The following MBOAT1 variants were observed in gnomAD, a reference collection of about 807,000 sequenced individuals.
MBOAT1 encodes membrane-bound glycerophospholipid O-acyltransferase 1.
MBOAT1 carries 67 observed loss-of-function variants against 64.4 expected under a neutral mutation model. That is an observed-to-expected ratio of 1.04 (90% CI 0.85 to 1.27). MBOAT1 has a LOEUF of 1.27. Among genes scored for constraint, MBOAT1 ranks in the 50% most tolerant of loss-of-function variants. The probability of loss-of-function intolerance (pLI) is 0.00; values close to 1 mark genes in which losing one functional copy is unlikely to be tolerated. For missense variants in MBOAT1, 563 were observed against 604.6 expected, an observed-to-expected ratio of 0.93 and a Z score of 0.72; for synonymous variants, 229 against 218.9, an observed-to-expected ratio of 1.05 and a Z score of -0.41.
chr6:20,154,102 G>A (rs1554119093), intron 1 of MBOAT1, among the ~76,000 whole-genome samples: 1 of 152,198 alleles, frequency 6.6e-6, no homozygotes, highest in Non-Finnish European at 1.5e-5. Context: ...ACTCATTACG[G>A]CTGAGCTGGG....
Position 20,202,383 on chromosome 6 carries a change from A to G in MBOAT1, c.99+9753T>C, listed in dbSNP as rs554414654. On this transcript the variant is annotated intron_variant, in intron 1 of 12. Transcript: ENST00000324607. ...TTTTGTAAATAAACCTGAGAATGGA[A>G]TATTTATAATAAAATGATAGTTTGC... Among the ~76,000 whole-genome samples, 33 of 149,516 alleles carry G rather than the reference A, an allele frequency of 2.2e-4. No homozygotes were observed. In the South Asian group the frequency reaches 6.1e-3, roughly 28 times the overall value.
At chr6:20,206,581 G>A (rs1763272864) in intron 1 of MBOAT1, among the ~76,000 whole-genome samples, 1 of 152,176 alleles carries the variant, frequency 6.6e-6, no homozygotes, top group South Asian at 2.1e-4. Context: ...GGCATGGGCT[G>A]AGTGCATGAC....
intron 4 of MBOAT1, among the ~76,000 whole-genome samples, chr6:20,140,704 C>G (rs1323699889): frequency 6.6e-6 from 1 of 152,190 alleles, no homozygotes; most frequent in Non-Finnish European, 1.5e-5. Context: ...TTCTGGATCT[C>G]TAGCTCACAG....
intron 1 of MBOAT1, among the ~76,000 whole-genome samples, chr6:20,155,139 C>T (rs972759029): frequency 6.6e-6 from 1 of 152,194 alleles, no homozygotes; most frequent in African/African-American, 2.4e-5. Context: ...GAGGATGGAT[C>T]GTGGTTCTCA....
chr6:20,152,926 A>G (rs902840524), intron 1 of MBOAT1, among the ~76,000 whole-genome samples, 157 bp from the exon 2 acceptor site: 11 of 152,126 alleles, frequency 7.2e-5, no homozygotes, highest in East Asian at 1.9e-4. Context: ...TCCGCCTCCC[A>G]GGTTCACGTC....
chr6:20,197,120 A>T (rs918731678), intron 1 of MBOAT1, among the ~76,000 whole-genome samples: 2 of 151,086 alleles, frequency 1.3e-5, no homozygotes, highest in South Asian at 2.1e-4. Flanking sequence ...ATCTTTACAA[A>T]TTTTTTTTTT....
At chr6:20,142,580 G>T (rs1761208838) in intron 4 of MBOAT1, among the ~76,000 whole-genome samples, 1 of 152,112 alleles carries the variant, frequency 6.6e-6, no homozygotes, top group Non-Finnish European at 1.5e-5. Context: ...CTCCTGAGCA[G>T]CTGAGATTAC....
intron 12 of MBOAT1, among the ~76,000 whole-genome samples, chr6:20,103,253 T>C (rs574417985): frequency 1.5e-4 from 23 of 152,326 alleles, no homozygotes; most frequent in African/African-American, 3.8e-4. Flanking sequence ...GACAGTGATA[T>C]TGATGATCCT....
At chr6:20,169,927 C>A (rs1038461660) in intron 1 of MBOAT1, among the ~76,000 whole-genome samples, 4 of 152,190 alleles carry the variant, frequency 2.6e-5, no homozygotes, top group African/African-American at 9.7e-5. Flanking sequence ...CCAGCCAAGT[C>A]ATCGACTATC....
chr6:20,100,286 A>G lies in MBOAT1; in HGVS notation c.*2000T>C, dbSNP rs1451105170. On this transcript the variant is annotated 3_prime_UTR_variant, in exon 13 of 13. Coordinates refer to ENST00000324607, the MANE Select transcript of MBOAT1 (RefSeq NM_001080480.3). ...TTCCACATACTCCACACCAATGGTA[A>G]TATTTACCATTTTTGCTAGTTTGCA... 6.6e-6 allele frequency among the ~76,000 whole-genome samples: 1 copy of G among 152,134 alleles called. No individual in the cohort carries two copies. The highest frequency in any genetic ancestry group is 1.5e-5 in the Non-Finnish European group (1 of 68,020).
chr6:20,196,573 G>A (rs1242458687), intron 1 of MBOAT1, among the ~76,000 whole-genome samples: 2 of 152,018 alleles, frequency 1.3e-5, no homozygotes, highest in African/African-American at 4.8e-5. Context: ...AAAAAACAGT[G>A]AACTGCACCA....
At chr6:20,158,280 T>C (rs2113705457) in intron 1 of MBOAT1, among the ~76,000 whole-genome samples, 1 of 152,244 alleles carries the variant, frequency 6.6e-6, no homozygotes, top group South Asian at 2.1e-4. Flanking sequence ...TACTCTTCTA[T>C]GTCCATTGAT....
intron 1 of MBOAT1, among the ~76,000 whole-genome samples, chr6:20,168,673 GAGAGAAGGAGAGAAAGAAGAA>G (rs1762101552): frequency 1.5e-5 from 2 of 135,924 alleles, no homozygotes; most frequent in Admixed American, 7.5e-5. Context: ...GAGAAAGAGA[GAGAGAAGGAGAGAAAGAAGAA>G]GAGAGGAGAG....
intron 7 of MBOAT1, 101 bp from the exon 8 acceptor site, chr6:20,124,701 G>T: frequency 9.6e-7 from 1 of 1,043,602 alleles, no homozygotes; most frequent in Non-Finnish European, 1.4e-6. Flanking sequence ...TCCAACAGCT[G>T]CTTGGCATTA....
At chr6:20,200,443 G>A (rs1249392703) in intron 1 of MBOAT1, among the ~76,000 whole-genome samples, 3 of 152,264 alleles carry the variant, frequency 2.0e-5, no homozygotes, top group African/African-American at 7.2e-5. Flanking sequence ...GTCTTAAAGA[G>A]TACTGTTTCC....
chr6:20,205,885 C>G (rs1435543916), intron 1 of MBOAT1, among the ~76,000 whole-genome samples: 1 of 152,022 alleles, frequency 6.6e-6, no homozygotes, highest in African/African-American at 2.4e-5. Flanking sequence ...CTCATCAGGG[C>G]TCTGAGACCC....
chr6:20,133,376 C>T (rs1339469349), intron 4 of MBOAT1, among the ~76,000 whole-genome samples: 1 of 152,130 alleles, frequency 6.6e-6, no homozygotes, highest in African/African-American at 2.4e-5. Flanking sequence ...TACATTAAAG[C>T]TTTTTTAGAC....
intron 12 of MBOAT1, among the ~76,000 whole-genome samples, chr6:20,103,888 A>G (rs1759876399): frequency 6.6e-6 from 1 of 152,226 alleles, no homozygotes. Context: ...TGGTGTTTCT[A>G]AAGTCTACAG....
intron 6 of MBOAT1, 103 bp from the exon 7 acceptor site, chr6:20,126,803 A>G: frequency 1.2e-6 from 1 of 818,944 alleles, no homozygotes; most frequent in Non-Finnish European, 1.9e-6. Context: ...GATTCGATAC[A>G]TGACATGACC....
Sources: allele counts gnomAD v4.1 joint callset (sites outside exome capture counted in the v4.1 genomes callset), GRCh38; gene constraint gnomAD v4.1.1; transcripts MANE v1.5; gene names NCBI Gene and HGNC (gene_info 2026-07-23, HGNC 2026-07-21).